The following TRAPPC8 variants were observed in gnomAD, a reference collection of about 807,000 sequenced individuals.
TRAPPC8 encodes the protein trafficking protein particle complex subunit 8.
TRAPPC8 carries 54 observed loss-of-function variants against 174.3 expected under a neutral mutation model. The observed-to-expected ratio is 0.31, with a 90% CI of 0.25 to 0.39. The LOEUF is 0.39. TRAPPC8 is among the 10% of genes least tolerant of loss of function. TRAPPC8 has a pLI of 1.00. For synonymous variants in TRAPPC8, 630 were observed against 579.9 expected, an observed-to-expected ratio of 1.09 and a Z score of -1.24; for missense variants, 1,531 against 1,699.1, an observed-to-expected ratio of 0.90 and a Z score of 1.74.
Position 31,942,657 on chromosome 18 carries a change from G to C in TRAPPC8, c.108C>G (p.His36Gln), listed in dbSNP as rs1295967459. The change falls in exon 1 of 29, where the codon CAC (histidine) becomes CAG (glutamine). Residue 36 changes from histidine (H) to glutamine (Q), a missense_variant. By Grantham distance (24) the His-to-Gln change is conservative (BLOSUM62 0). Transcript: ENST00000283351. The stretch of plus-strand genomic sequence containing the variant: ...GCTTAAGCAGCTCCGCGAAGCTGAG[G>C]TGATTGAGACGAGTGAGCCGCTCGG... ...DEAERLTRLNHLSFAELLKPF... is the reference protein window; with the variant it reads ...DEAERLTRLNQLSFAELLKPF... 6.2e-6 allele frequency: 10 copies of C among 1,611,410 alleles called. No homozygotes were observed. The Admixed American group carries it at 8.4e-5, about 14-fold the overall frequency.
At chr18:31,876,703 C>A (rs1274759395) in intron 12 of TRAPPC8, among the ~76,000 whole-genome samples, 1 of 152,004 alleles carries the variant, frequency 6.6e-6, no homozygotes, top group Non-Finnish European at 1.5e-5. Context: ...GAACACAAAA[C>A]CCCATGGAAA....
At chr18:31,936,658 T>C (rs1266200187) in intron 1 of TRAPPC8, among the ~76,000 whole-genome samples, 1 of 152,038 alleles carries the variant, frequency 6.6e-6, no homozygotes, top group Non-Finnish European at 1.5e-5. Flanking sequence ...TCCAGCACTT[T>C]GGGAGGCCGA....
At chr18:31,911,938 C>A (rs571537410) in intron 5 of TRAPPC8, among the ~76,000 whole-genome samples, 34 of 150,372 alleles carry the variant, frequency 2.3e-4, no homozygotes, top group African/African-American at 8.1e-4. Context: ...CTGAACTAAG[C>A]ATAGGAACTT....
At chr18:31,858,652 C>T (rs1166085310) in intron 19 of TRAPPC8, among the ~76,000 whole-genome samples, 1 of 152,212 alleles carries the variant, frequency 6.6e-6, no homozygotes, top group African/African-American at 2.4e-5. Context: ...TTCACACACA[C>T]ACTTCTAAAA....
At chr18:31,850,922 ATAAC>A (rs994194512) in intron 24 of TRAPPC8, among the ~76,000 whole-genome samples, 1 of 152,200 alleles carries the variant, frequency 6.6e-6, no homozygotes, top group African/African-American at 2.4e-5. Context: ...TTAAAAAAAA[ATAAC>A]TAAAGTCCTG....
At chr18:31,929,504 G>T (rs577439404) in intron 2 of TRAPPC8, among the ~76,000 whole-genome samples, 1 of 152,050 alleles carries the variant, frequency 6.6e-6, no homozygotes, top group Non-Finnish European at 1.5e-5. Flanking sequence ...TCCAGCCTGT[G>T]TGACAGAGAG....
At position 31,846,837 on chromosome 18, in the gene TRAPPC8, A is replaced by G. The variant is rs1206257526; in HGVS notation, c.3736-20T>C. Reference sequence around the variant, plus strand: ...GTATGCCTAAAAAATGCAAAGTACAAAAACGTTACCGTGCTTGACAGTAAC... The same window carrying G: ...GTATGCCTAAAAAATGCAAAGTACAGAAACGTTACCGTGCTTGACAGTAAC... On this transcript the variant is annotated intron_variant, in intron 25 of 28. Coordinates refer to ENST00000283351, the MANE Select transcript of TRAPPC8 (RefSeq NM_014939.5). 1.3e-6 allele frequency: 2 copies of G among 1,588,884 alleles called. No individual in the cohort carries two copies. Among genetic ancestry groups the G allele is most frequent in the Non-Finnish European group, 1.7e-6 (2 of 1,160,354 alleles).
At chr18:31,874,440 CAGTTTTAAT>C in intron 13 of TRAPPC8, 31 bp downstream of exon 13, 2 of 1,537,152 alleles carry the variant, frequency 1.3e-6, no homozygotes, top group Non-Finnish European at 1.8e-6. Flanking sequence ...CACTAAAATA[CAGTTTTAAT>C]ATCTATTCCT....
Position 31,901,039 on chromosome 18 carries a change from C to T in TRAPPC8, c.1390-14G>A, listed in dbSNP as rs369420056. 51 of 1,563,882 alleles carry T rather than the reference C, an allele frequency of 3.3e-5. No individual in the cohort carries two copies. The highest frequency in any genetic ancestry group is 4.2e-5 in the Non-Finnish European group (49 of 1,160,030). On this transcript the variant is annotated splice_polypyrimidine_tract_variant and intron_variant, in intron 9 of 28. Coordinates refer to ENST00000283351, the MANE Select transcript of TRAPPC8 (RefSeq NM_014939.5). ...TGCTGCCATTTCCTAAAATAAAAGA[C>T]ATAGTTTACATATTTCAAAAGAAGA... is the stretch of plus-strand genomic sequence containing the variant.
At chr18:31,893,380 GGTGTGTGTGT>G (rs10660521) in intron 11 of TRAPPC8, among the ~76,000 whole-genome samples, 55 of 149,738 alleles carry the variant, frequency 3.7e-4, no homozygotes, top group African/African-American at 1.2e-3. Flanking sequence ...TTTGCTTCTA[GGTGTGTGTGT>G]GTGTGTGTGT....
At chr18:31,893,834 A>C (rs909091215) in intron 11 of TRAPPC8, among the ~76,000 whole-genome samples, 2 of 151,818 alleles carry the variant, frequency 1.3e-5, no homozygotes, top group African/African-American at 4.9e-5. Flanking sequence ...ATACATACAC[A>C]CACACGAAAA....
In TRAPPC8 at chr18:31,873,458, A is replaced by G; in HGVS notation, c.2034T>C (p.Phe678=). The G allele has an allele frequency of 6.2e-7, 1 of 1,613,808 alleles. No individual in the cohort carries two copies. Residue 678 remains phenylalanine, a synonymous_variant, in exon 14 of 29, where the codon TTT becomes TTC. Transcript: ENST00000283351. Reference sequence around the variant, plus strand: ...CCGCTGGTCGTCTGTCATGGCCAAAAAAAACCCGTGTTGCTGAACTGTTAA... The same window carrying G: ...CCGCTGGTCGTCTGTCATGGCCAAAGAAAACCCGTGTTGCTGAACTGTTAA... The part of the protein sequence containing the change: ...PYINSSATRV[F]FGHDRRPADG...
At chr18:31,911,752 G>T (rs1183204352) in intron 5 of TRAPPC8, among the ~76,000 whole-genome samples, 4 of 75,486 alleles carry the variant, frequency 5.3e-5, no homozygotes, top group Admixed American at 2.1e-4. Context: ...GTAAGACTCC[G>T]TCTCAAAAAA....
intron 19 of TRAPPC8, among the ~76,000 whole-genome samples, chr18:31,862,821 C>T (rs1222924955): frequency 1.3e-5 from 2 of 151,820 alleles, no homozygotes; most frequent in Non-Finnish European, 2.9e-5. Context: ...TTTGGGAGGC[C>T]GAGGTGGGCG....
chr18:31,916,048 C>T (rs550199956), intron 4 of TRAPPC8, among the ~76,000 whole-genome samples: 1 of 142,152 alleles, frequency 7.0e-6, no homozygotes, highest in African/African-American at 2.6e-5. Context: ...CAGGGCAAGA[C>T]CTCGTCTCAA....
In TRAPPC8 at chr18:31,908,759, C is replaced by A; in HGVS notation, c.1117G>T (p.Asp373Tyr). 6.3e-7 allele frequency: 1 copy of A among 1,586,100 alleles called. No individual in the cohort carries two copies. Among genetic ancestry groups the A allele is most frequent in the Non-Finnish European group, 8.6e-7 (1 of 1,162,754 alleles). ...HIEKTIRQLN[D>Y]QLISRKGLSR... ...TCCAAAAAATCAAACCTTACCTGATCGTTTAATTGCCTAATTGTTTTCTCT... is the reference window on the plus strand; with the variant it reads ...TCCAAAAAATCAAACCTTACCTGATAGTTTAATTGCCTAATTGTTTTCTCT... The change falls in exon 7 of 29, where the codon GAT becomes TAT. Residue 373 changes from aspartate (D) to tyrosine (Y), a missense_variant. By Grantham distance (160) the Asp-to-Tyr change is radical. Coordinates refer to ENST00000283351, the MANE Select transcript of TRAPPC8 (RefSeq NM_014939.5).
intron 1 of TRAPPC8, among the ~76,000 whole-genome samples, chr18:31,941,447 A>G (rs1268978526): frequency 6.6e-6 from 1 of 152,100 alleles, no homozygotes; most frequent in East Asian, 1.9e-4. Flanking sequence ...CCATCTCAAA[A>G]TAAATAAATA....
intron 9 of TRAPPC8, among the ~76,000 whole-genome samples, chr18:31,902,824 C>G (rs1026680972): frequency 3.3e-5 from 5 of 151,992 alleles, no homozygotes; most frequent in Non-Finnish European, 4.4e-5. Context: ...CCGAGGCGGG[C>G]GGATCACGAT....
At chr18:31,837,452 T>C (rs1160120087) in intron 27 of TRAPPC8, among the ~76,000 whole-genome samples, 1 of 152,168 alleles carries the variant, frequency 6.6e-6, no homozygotes, top group Non-Finnish European at 1.5e-5. Context: ...ATCCCAGCAC[T>C]TTGGGAGGCC....
Sources: allele counts gnomAD v4.1 joint callset (sites outside exome capture counted in the v4.1 genomes callset), GRCh38; gene constraint gnomAD v4.1.1; transcripts MANE v1.5; gene names NCBI Gene and HGNC (gene_info 2026-07-23, HGNC 2026-07-21).